Variants in CHM observed in about 807,000 individuals in gnomAD.
CHM encodes CHM Rab escort protein, also known as rab proteins geranylgeranyltransferase component A 1.
CHM carries 10 observed loss-of-function variants against 49.0 expected under a neutral mutation model. That is an observed-to-expected ratio of 0.20 (90% CI 0.13 to 0.35). The LOEUF (loss-of-function observed/expected upper bound fraction) is 0.35, where lower values mean the gene tolerates loss of function less well. CHM is among the 10% of genes least tolerant of loss of function. The pLI is 1.00. For synonymous variants in CHM, 184 were observed against 167.5 expected, an observed-to-expected ratio of 1.10 and a Z score of -0.76; for missense variants, 455 against 478.4, an observed-to-expected ratio of 0.95 and a Z score of 0.46.
At chrX:85,991,991 A>G (rs906758910) in intron 2 of CHM, among the ~76,000 whole-genome samples, 1 of 111,826 alleles carries the variant, frequency 8.9e-6, no homozygotes, top group Non-Finnish European at 1.9e-5. Context: ...TAACTCTCTC[A>G]GCTAGGAAAT....
At chrX:86,028,348 A>G (rs1416751305) in intron 1 of CHM, among the ~76,000 whole-genome samples, 1 of 111,764 alleles carries the variant, frequency 8.9e-6, no homozygotes, top group Non-Finnish European at 1.9e-5. Flanking sequence ...TCTAGAGTTG[A>G]AATTTAAACC....
intron 11 of CHM, among the ~76,000 whole-genome samples, chrX:85,896,961 TAATA>T (rs1206633602): frequency 2.1e-5 from 2 of 94,315 alleles, no homozygotes; most frequent in Non-Finnish European, 4.1e-5. Flanking sequence ...TACATGAAAT[TAATA>T]TATAATACAT....
chrX:85,942,371 G>A (rs1485739926), intron 8 of CHM, among the ~76,000 whole-genome samples: 2 of 102,713 alleles, frequency 1.9e-5, no homozygotes, highest in African/African-American at 7.2e-5. Context: ...ATGTTTATCT[G>A]AGTTTAAAAA....
intron 8 of CHM, among the ~76,000 whole-genome samples, chrX:85,914,236 C>T (rs956365780): frequency 8.1e-5 from 9 of 110,746 alleles, no homozygotes; most frequent in African/African-American, 2.6e-4. Flanking sequence ...CAAGGGAGCC[C>T]ATCCCCCAAG....
intron 8 of CHM, among the ~76,000 whole-genome samples, chrX:85,913,474 G>A (rs2148173735): frequency 9.1e-6 from 1 of 109,454 alleles, no homozygotes; most frequent in South Asian, 4.0e-4. Flanking sequence ...ATGATGTGAA[G>A]ACAGGAGTAG....
intron 4 of CHM, chrX:85,970,122 A>G: frequency 5.6e-6 from 1 of 178,734 alleles, no homozygotes; most frequent in Non-Finnish European, 8.8e-6. Context: ...ATAAAGGTTT[A>G]AGGTGATGGA....
In CHM at chrX:86,041,724, GTGTATATATA is replaced by G. The variant is rs1211736790; in HGVS notation, c.49+5750_49+5759del. Among the ~76,000 whole-genome samples the G allele has an allele frequency of 8.7e-5, 4 of 45,799 alleles. No individual in the cohort carries two copies. In the East Asian group the frequency reaches 2.1e-3, roughly 24 times the overall value. The allele number at this position is 45,799 out of a possible 115,157, so 39.8% of individuals were successfully genotyped here. ...TATATATGTTATATATATGGTGTGTGTGTATATATATATATATATATATATATATATATAC... is the reference window on the plus strand; with the variant it reads ...TATATATGTTATATATATGGTGTGTGTATATATATATATATATATATATAC... On this transcript the variant is annotated intron_variant, in intron 1 of 14. Transcript: ENST00000357749.
At chrX:86,021,085 T>C (rs1933546126) in intron 2 of CHM, among the ~76,000 whole-genome samples, 2 of 94,645 alleles carry the variant, frequency 2.1e-5, no homozygotes, top group Non-Finnish European at 2.1e-5. Context: ...TATACACACA[T>C]ATATATACAC....
intron 8 of CHM, among the ~76,000 whole-genome samples, chrX:85,930,004 A>G (rs1928329067): frequency 8.9e-6 from 1 of 111,747 alleles, no homozygotes; most frequent in African/African-American, 3.3e-5. Context: ...TGGGAGGCTG[A>G]GGCATAAGAA....
At chrX:86,025,287 C>T (rs1933757515) in intron 2 of CHM, among the ~76,000 whole-genome samples, 1 of 111,663 alleles carries the variant, frequency 9.0e-6, no homozygotes, top group African/African-American at 3.3e-5. Context: ...AAAGTAAGAC[C>T]TAGGTTCTTA....
intron 8 of CHM, among the ~76,000 whole-genome samples, chrX:85,912,867 G>A (rs748343551): frequency 9.2e-6 from 1 of 108,597 alleles, no homozygotes; most frequent in South Asian, 4.2e-4. Context: ...TACAAAATTA[G>A]CCAGGTACGG....
chrX:86,013,462 G>A (rs913790796), intron 2 of CHM, among the ~76,000 whole-genome samples: 2 of 111,631 alleles, frequency 1.8e-5, no homozygotes, highest in Non-Finnish European at 3.8e-5. Context: ...GGCCAGGGAC[G>A]GTGGCTCATG....
chrX:86,021,217 A>T (rs1933592458), intron 2 of CHM, among the ~76,000 whole-genome samples: 1 of 96,078 alleles, frequency 1.0e-5, no homozygotes, highest in Admixed American at 1.2e-4. Context: ...TCGGGTCCCA[A>T]GCATTTCAGA....
At chrX:86,012,674 C>G (rs765658525) in intron 2 of CHM, among the ~76,000 whole-genome samples, 1 of 111,549 alleles carries the variant, frequency 9.0e-6, no homozygotes, top group South Asian at 3.8e-4. Context: ...TTTTTCAAAC[C>G]TATACTGTTG....
chrX:85,945,723 T>A (rs1219834780), intron 8 of CHM, among the ~76,000 whole-genome samples: 1 of 109,922 alleles, frequency 9.1e-6, no homozygotes, highest in Non-Finnish European at 1.9e-5. Context: ...TACCTGAAAA[T>A]ACAGAAGCAA....
At chrX:85,980,495 T>C (rs1218193382) in intron 3 of CHM, among the ~76,000 whole-genome samples, 1 of 112,202 alleles carries the variant, frequency 8.9e-6, no homozygotes, top group Admixed American at 9.4e-5. Context: ...ACTTTTTGAG[T>C]CATGTATACT....
chrX:85,969,245 A>G (rs972144427), intron 4 of CHM: 4 of 725,947 alleles, frequency 5.5e-6, no homozygotes, highest in South Asian at 7.1e-5. Flanking sequence ...CAGAAAATGT[A>G]TAAAGCTATT....
chrX:85,924,590 A>G (rs1927975135), intron 8 of CHM, among the ~76,000 whole-genome samples: 1 of 111,949 alleles, frequency 8.9e-6, no homozygotes, highest in Non-Finnish European at 1.9e-5. Flanking sequence ...CCATTCATCA[A>G]GATTACAACT....
intron 8 of CHM, among the ~76,000 whole-genome samples, chrX:85,954,394 T>C (rs1184840897): frequency 9.0e-6 from 1 of 111,412 alleles, no homozygotes; most frequent in Non-Finnish European, 1.9e-5. Flanking sequence ...AAAATAGAGC[T>C]ACCATACGAT....
Sources: gnomAD v4.1 joint callset for allele counts (sites outside exome capture counted in the v4.1 genomes callset) on GRCh38, gnomAD v4.1.1 for gene constraint, MANE v1.5 for transcripts, NCBI Gene and HGNC (gene_info 2026-07-23, HGNC 2026-07-21) for gene names.